The following VDAC1 variants were observed in gnomAD, a reference collection of about 807,000 sequenced individuals.
VDAC1 encodes voltage dependent anion channel 1.
Under a neutral mutation model 34.7 loss-of-function variants are expected in VDAC1, and 10 were observed. That is an observed-to-expected ratio of 0.29 (90% CI 0.18 to 0.49). The LOEUF (loss-of-function observed/expected upper bound fraction) is 0.49. Among genes scored for constraint, VDAC1 ranks in the 20% least tolerant of loss-of-function variants. The probability of loss-of-function intolerance (pLI) is 0.99; values close to 1 mark genes in which losing one functional copy is unlikely to be tolerated. For missense variants in VDAC1, 230 were observed against 347.9 expected (o/e 0.66, Z 2.69); for synonymous variants, 130 against 136.0 (o/e 0.96, Z 0.30).
the VDAC1 span, among the ~76,000 whole-genome samples, chr5:134,052,027 A>G: frequency 6.6e-6 from 1 of 152,124 alleles, no homozygotes; most frequent in Non-Finnish European, 1.5e-5. Flanking sequence ...AATCTGAGCA[A>G]CAGCGGGTAC....
the VDAC1 span, among the ~76,000 whole-genome samples, chr5:134,046,320 G>A: frequency 1.3e-5 from 2 of 151,972 alleles, no homozygotes; most frequent in Admixed American, 1.3e-4. Flanking sequence ...GAGCCACCAT[G>A]CCCAGCCTTT....
At chr5:134,074,674 G>A in the VDAC1 span, among the ~76,000 whole-genome samples, 4 of 152,174 alleles carry the variant, frequency 2.6e-5, no homozygotes, top group African/African-American at 9.6e-5. Flanking sequence ...AGCCCACCCA[G>A]CCCCAGTCAC....
chr5:134,056,843 G>A, the VDAC1 span, among the ~76,000 whole-genome samples: 2 of 151,954 alleles, frequency 1.3e-5, no homozygotes, highest in African/African-American at 2.4e-5. Flanking sequence ...GCACCACCAC[G>A]CCCGGCTAAT....
the VDAC1 span, among the ~76,000 whole-genome samples, chr5:134,093,302 T>C: frequency 6.6e-6 from 1 of 151,730 alleles, no homozygotes; most frequent in Non-Finnish European, 1.5e-5. Context: ...GTATTGGGAG[T>C]GTGAGGTATG....
chr5:134,059,455 C>T, the VDAC1 span, among the ~76,000 whole-genome samples: 1 of 152,092 alleles, frequency 6.6e-6, no homozygotes, highest in East Asian at 1.9e-4. Context: ...TAGGCAGTGG[C>T]CCCAGGGAAG....
At position 133,993,022 on chromosome 5, in the gene VDAC1, T is replaced by C. The variant is rs2126981381; in HGVS notation, c.-6-4A>G. The C allele has an allele frequency of 2.5e-6, 4 of 1,609,302 alleles. No individual in the cohort carries two copies. Among genetic ancestry groups the C allele is most frequent in the South Asian group, 1.1e-5 (1 of 89,984 alleles). On this transcript the variant is annotated splice_region_variant and splice_polypyrimidine_tract_variant and intron_variant, in intron 1 of 8. Coordinates refer to ENST00000265333, the MANE Select transcript of VDAC1 (RefSeq NM_003374.3). ...TGGGTGGCACAGCCATCTTCTGCTA[T>C]GATAAAAGAATCACCAGAATAAATG...
chr5:133,995,691 C>G (rs957452414), intron 1 of VDAC1, among the ~76,000 whole-genome samples: 5 of 152,238 alleles, frequency 3.3e-5, no homozygotes, highest in Non-Finnish European at 7.3e-5. Context: ...AGGCCCGAGA[C>G]AGCTCTGCCG....
At chr5:134,085,565 G>A in the VDAC1 span, among the ~76,000 whole-genome samples, 7 of 151,178 alleles carry the variant, frequency 4.6e-5, no homozygotes, top group Non-Finnish European at 1.0e-4. Context: ...AACACCTCAG[G>A]GGTTTGCATG....
At chr5:134,088,023 C>T in the VDAC1 span, among the ~76,000 whole-genome samples, 1 of 151,018 alleles carries the variant, frequency 6.6e-6, no homozygotes, top group Non-Finnish European at 1.5e-5. Flanking sequence ...GGCGTTGTAG[C>T]GCGTGCCTGT....
At chr5:133,978,255 C>T (rs1580708977) in intron 6 of VDAC1, among the ~76,000 whole-genome samples, 1 of 152,106 alleles carries the variant, frequency 6.6e-6, no homozygotes, top group African/African-American at 2.4e-5. Context: ...TAACCTCAAA[C>T]TCCTGGGCTC....
At chr5:134,047,136 G>T in the VDAC1 span, among the ~76,000 whole-genome samples, 1 of 152,194 alleles carries the variant, frequency 6.6e-6, no homozygotes, top group Non-Finnish European at 1.5e-5. Context: ...CCAGAGCCAG[G>T]GGGGTCACTT....
chr5:134,009,895 G>T (rs901464658), upstream of VDAC1, among the ~76,000 whole-genome samples: 1 of 151,978 alleles, frequency 6.6e-6, no homozygotes, highest in Non-Finnish European at 1.5e-5. Flanking sequence ...TGGCCAGGCT[G>T]GTCTCAAACT....
At chr5:134,058,322 T>C in the VDAC1 span, among the ~76,000 whole-genome samples, 1 of 143,686 alleles carries the variant, frequency 7.0e-6, no homozygotes, top group African/African-American at 2.6e-5. Context: ...TTGTTTTTTG[T>C]TTTTTTTTTG....
chr5:134,096,469 C>A, the VDAC1 span, among the ~76,000 whole-genome samples: 1 of 152,248 alleles, frequency 6.6e-6, no homozygotes, highest in South Asian at 2.1e-4. Context: ...TCAGCATTAT[C>A]CAATCCCAGT....
chr5:133,988,182 C>T (rs1045396850), intron 5 of VDAC1, among the ~76,000 whole-genome samples: 4 of 152,204 alleles, frequency 2.6e-5, no homozygotes, highest in African/African-American at 4.8e-5. Context: ...ATTATAGTTA[C>T]GTAAACCATT....
At chr5:134,066,815 G>A in the VDAC1 span, among the ~76,000 whole-genome samples, 5 of 152,272 alleles carry the variant, frequency 3.3e-5, no homozygotes, top group South Asian at 1.0e-3. Flanking sequence ...CCGTTTAATG[G>A]CAACACAGAA....
At chr5:134,095,151 C>T in the VDAC1 span, among the ~76,000 whole-genome samples, 1 of 152,286 alleles carries the variant, frequency 6.6e-6, no homozygotes, top group Admixed American at 6.5e-5. Flanking sequence ...CAGAATATCT[C>T]AGTGCCTTTA....
At chr5:134,057,676 C>T in the VDAC1 span, among the ~76,000 whole-genome samples, 3 of 147,202 alleles carry the variant, frequency 2.0e-5, no homozygotes, top group Non-Finnish European at 3.0e-5. Flanking sequence ...GAAACAAGAG[C>T]GAAACTCCAT....
chr5:134,038,477 G>A, the VDAC1 span, among the ~76,000 whole-genome samples: 2 of 152,142 alleles, frequency 1.3e-5, no homozygotes, highest in African/African-American at 4.8e-5. Context: ...TGCCGGCTCT[G>A]GCCAGGAGTT....
Sources: gnomAD v4.1 joint callset for allele counts (sites outside exome capture counted in the v4.1 genomes callset) on GRCh38, gnomAD v4.1.1 for gene constraint, MANE v1.5 for transcripts, NCBI Gene and HGNC (gene_info 2026-07-23, HGNC 2026-07-21) for gene names.